TBC1D31: variants seen among roughly 807,000 people sequenced by gnomAD.
The protein encoded by TBC1D31 is TBC1 domain family member 31.
A neutral mutation model predicts 132.9 loss-of-function variants in TBC1D31; 99 were observed. That is an observed-to-expected ratio of 0.74 (90% CI 0.63 to 0.88). TBC1D31 has a LOEUF of 0.88. Ranked by LOEUF, TBC1D31 falls within the 40% of genes least tolerant of loss-of-function variation. TBC1D31 has a pLI of 0.00. For synonymous variants in TBC1D31, 385 were observed against 419.4 expected, an observed-to-expected ratio of 0.92 and a Z score of 1.00; for missense variants, 1,134 against 1,256.6, an observed-to-expected ratio of 0.90 and a Z score of 1.48.
At chr8:123,090,058 C>T (rs774253978) in intron 4 of TBC1D31, among the ~76,000 whole-genome samples, 1 of 152,172 alleles carries the variant, frequency 6.6e-6, no homozygotes, top group African/African-American at 2.4e-5. Context: ...ACCAGTCTAA[C>T]CTCTTTCCGC....
intron 13 of TBC1D31, among the ~76,000 whole-genome samples, chr8:123,126,990 C>T (rs1415311439): frequency 6.6e-6 from 1 of 152,098 alleles, no homozygotes; most frequent in Non-Finnish European, 1.5e-5. Context: ...CCACCCACCT[C>T]GGCCTCCCAA....
At chr8:123,161,891 G>A in the TBC1D31 span, among the ~76,000 whole-genome samples, 3 of 151,630 alleles carry the variant, frequency 2.0e-5, no homozygotes, top group Non-Finnish European at 4.4e-5. Context: ...GGTGGTGGGC[G>A]CCTGTGATCC....
chr8:123,159,969 G>T, the TBC1D31 span, among the ~76,000 whole-genome samples: 100,231 of 152,142 alleles, frequency 0.66, 33,362 homozygotes, highest in East Asian at 0.82. Flanking sequence ...CCTGCACCCA[G>T]GTTCACATAT....
chr8:123,141,260 C>A (rs1442743677), intron 18 of TBC1D31, among the ~76,000 whole-genome samples: 1 of 152,180 alleles, frequency 6.6e-6, no homozygotes, highest in Non-Finnish European at 1.5e-5. Context: ...TGTGTTCTGC[C>A]TCTGAAATTG....
At chr8:123,158,859 A>G in the TBC1D31 span, among the ~76,000 whole-genome samples, 1 of 151,946 alleles carries the variant, frequency 6.6e-6, no homozygotes, top group Non-Finnish European at 1.5e-5. Context: ...GAGGAGTTGG[A>G]GGTGGGGCAG....
At chr8:123,113,565 C>T (rs1788571083) in intron 10 of TBC1D31, among the ~76,000 whole-genome samples, 1 of 152,160 alleles carries the variant, frequency 6.6e-6, no homozygotes, top group African/African-American at 2.4e-5. Context: ...TCCAAAAGAT[C>T]TTCCTAAAGT....
chr8:123,125,629 A>G (rs1409955517), intron 11 of TBC1D31, among the ~76,000 whole-genome samples: 1 of 152,088 alleles, frequency 6.6e-6, no homozygotes, highest in Non-Finnish European at 1.5e-5. Context: ...ATTTTCCTTA[A>G]GTTTTCTAAT....
At chr8:123,112,516 T>A (rs1343362660) in intron 10 of TBC1D31, among the ~76,000 whole-genome samples, 1 of 152,220 alleles carries the variant, frequency 6.6e-6, no homozygotes, top group African/African-American at 2.4e-5. Flanking sequence ...CTCTGCTTTT[T>A]AAATTTAACA....
the TBC1D31 span, among the ~76,000 whole-genome samples, chr8:123,157,271 G>A: frequency 3.9e-5 from 6 of 152,214 alleles, no homozygotes; most frequent in East Asian, 1.9e-4. Context: ...CAGATTATGA[G>A]ACTGACGCGC....
At chr8:123,096,246 G>A (rs1816822965) in intron 5 of TBC1D31, among the ~76,000 whole-genome samples, 1 of 151,580 alleles carries the variant, frequency 6.6e-6, no homozygotes, top group African/African-American at 2.4e-5. Flanking sequence ...TCTGTCACCT[G>A]GCCTACGCCT....
At chr8:123,160,057 T>G in the TBC1D31 span, among the ~76,000 whole-genome samples, 1 of 152,224 alleles carries the variant, frequency 6.6e-6, no homozygotes, top group Non-Finnish European at 1.5e-5. Context: ...AAGTCCATCT[T>G]GACTCAGATT....
In TBC1D31 at chr8:123,109,531, C is replaced by T; in HGVS notation, c.1347C>T (p.Thr449=). 5.0e-6 allele frequency: 8 copies of T among 1,613,816 alleles called. No individual in the cohort carries two copies. Among genetic ancestry groups the T allele is most frequent in the Non-Finnish European group, 5.9e-6 (7 of 1,179,862 alleles). The change falls in exon 10 of 22, where the codon ACC becomes ACT. Residue 449 remains threonine, a synonymous_variant. Coordinates refer to ENST00000287380, the MANE Select transcript of TBC1D31 (RefSeq NM_145647.4). ...CTGAAAATCATACTGCGTTTAGTAC[C>T]CTCATAGATAAGGGGACTCATGTGG... ...QLPENHTAFS[T]LIDKGTHVAF... is the part of the protein sequence containing the mutation.
rs539490877 is a variant in TBC1D31, at chr8:123,075,909, CCTT to C, written c.78-1199_78-1197del. Reference sequence around the variant, plus strand: ...TTTCAACAGATACAGGGTATATAATCCTTCTCTCAAAAAGGGTAACTTTAAACA... The same window carrying C: ...TTTCAACAGATACAGGGTATATAATCCTCTCAAAAAGGGTAACTTTAAACA... On this transcript the variant is annotated intron_variant, in intron 1 of 21. Coordinates refer to ENST00000287380, the MANE Select transcript of TBC1D31 (RefSeq NM_145647.4). Among the ~76,000 whole-genome samples, 20 of 152,146 alleles carry C rather than the reference CCTT, an allele frequency of 1.3e-4. 1 individual carries two copies. The highest frequency in any genetic ancestry group is 1.8e-4 in the Non-Finnish European group (12 of 68,016).
At chr8:123,088,720 C>T (rs971267150) in intron 4 of TBC1D31, among the ~76,000 whole-genome samples, 1 of 152,130 alleles carries the variant, frequency 6.6e-6, no homozygotes, top group African/African-American at 2.4e-5. Flanking sequence ...GCACATGCGA[C>T]CCTTCAGTAA....
At chr8:123,097,871 A>G (rs1201552350) in intron 6 of TBC1D31, 1 of 152,678 alleles carries the variant, frequency 6.5e-6, no homozygotes, top group African/African-American at 2.4e-5. Context: ...TTGTGTTGTT[A>G]TTTTATTTAT....
At chr8:123,131,307 T>C (rs1820592114) in intron 16 of TBC1D31, among the ~76,000 whole-genome samples, 1 of 133,924 alleles carries the variant, frequency 7.5e-6, no homozygotes, top group Non-Finnish European at 1.5e-5. Context: ...GATGCTGCAG[T>C]GAGCCGAGAT....
chr8:123,134,896 T>C (rs1820938127), intron 17 of TBC1D31, among the ~76,000 whole-genome samples: 1 of 152,174 alleles, frequency 6.6e-6, no homozygotes. Flanking sequence ...CTTTCTTTAT[T>C]TGTATTTTTA....
chr8:123,103,437 T>G (rs1335313470), intron 7 of TBC1D31: 1 of 152,118 alleles, frequency 6.6e-6, no homozygotes, highest in Non-Finnish European at 1.5e-5. Flanking sequence ...TTCTTTTTTT[T>G]TTTGAGATGG....
the TBC1D31 span, among the ~76,000 whole-genome samples, chr8:123,164,728 A>AG: frequency 2.3e-3 from 344 of 151,840 alleles, 2 homozygotes; most frequent in African/African-American, 7.9e-3. Flanking sequence ...TCTCAAAAAA[A>AG]AAAAAGAATA....
Sources: allele counts gnomAD v4.1 joint callset (sites outside exome capture counted in the v4.1 genomes callset), GRCh38; gene constraint gnomAD v4.1.1; transcripts MANE v1.5; gene names NCBI Gene and HGNC (gene_info 2026-07-23, HGNC 2026-07-21).